Variants in TRABD2B observed in about 807,000 individuals in gnomAD.
The protein encoded by TRABD2B is TraB domain containing 2B, also known as metalloprotease TIKI2.
TRABD2B carries 14 observed loss-of-function variants against 40.1 expected under a neutral mutation model. The ratio of observed to expected loss-of-function variants is 0.35; its 90% CI spans 0.23 to 0.55. The LOEUF is 0.55. Ranked by LOEUF, TRABD2B falls within the 20% of genes least tolerant of loss-of-function variation. The pLI, the probability that TRABD2B is intolerant of heterozygous loss-of-function variation, is 0.90. For synonymous variants in TRABD2B, 263 were observed against 277.0 expected (o/e 0.95, Z 0.50); for missense variants, 541 against 648.6 (o/e 0.83, Z 1.80).
At chr1:47,958,918 A>G (rs1645466264) in intron 2 of TRABD2B, among the ~76,000 whole-genome samples, 1 of 152,258 alleles carries the variant, frequency 6.6e-6, no homozygotes, top group African/African-American at 2.4e-5. Context: ...CATTCTTCTC[A>G]GCACCACATC....
intron 2 of TRABD2B, among the ~76,000 whole-genome samples, chr1:47,993,240 CAG>C (rs1192026486): frequency 6.6e-6 from 1 of 152,170 alleles, no homozygotes; most frequent in Non-Finnish European, 1.5e-5. Context: ...CCCAGGGTCT[CAG>C]AGTTGAGTTT....
chr1:47,795,555 G>T, intron 3 of TRABD2B: 1 of 660,504 alleles, frequency 1.5e-6, no homozygotes, highest in Non-Finnish European at 1.9e-6. Context: ...ATGCTGCGTG[G>T]CACCGGGCAA....
intron 4 of TRABD2B, among the ~76,000 whole-genome samples, chr1:47,780,086 C>A (rs1322911851): frequency 6.6e-6 from 1 of 152,196 alleles, no homozygotes; most frequent in Non-Finnish European, 1.5e-5. Flanking sequence ...CCATGCCCTG[C>A]CAGAGCATCT....
chr1:47,796,712 C>T (rs1227567884), intron 3 of TRABD2B, among the ~76,000 whole-genome samples: 3 of 152,312 alleles, frequency 2.0e-5, no homozygotes, highest in East Asian at 3.9e-4. Flanking sequence ...TTGTGCAGTG[C>T]GCAACCTGGA....
At chr1:47,846,897 A>ACACACAC (rs1557610250) in intron 2 of TRABD2B, among the ~76,000 whole-genome samples, 2 of 69,438 alleles carry the variant, frequency 2.9e-5, no homozygotes, top group African/African-American at 1.0e-4. Context: ...CACACACACA[A>ACACACAC]ATGAGGGCTG....
intron 2 of TRABD2B, among the ~76,000 whole-genome samples, chr1:47,969,061 G>A (rs920966485): frequency 3.9e-5 from 6 of 152,174 alleles, no homozygotes; most frequent in Admixed American, 3.9e-4. Flanking sequence ...AAGTCCAATA[G>A]AGCCTCAGAA....
chr1:47,912,085 G>A (rs1557653034), intron 2 of TRABD2B, among the ~76,000 whole-genome samples: 3 of 152,172 alleles, frequency 2.0e-5, no homozygotes, highest in Non-Finnish European at 1.5e-5. Flanking sequence ...TGGAGGAGGG[G>A]GCTGAGGGAG....
At chr1:47,840,377 G>A (rs967143426) in intron 2 of TRABD2B, among the ~76,000 whole-genome samples, 1 of 152,160 alleles carries the variant, frequency 6.6e-6, no homozygotes, top group East Asian at 1.9e-4. Context: ...ACTTGTTCAA[G>A]GTCACACTAG....
intron 6 of TRABD2B, among the ~76,000 whole-genome samples, chr1:47,766,441 C>T (rs1397289750): frequency 6.6e-6 from 1 of 152,128 alleles, no homozygotes; most frequent in African/African-American, 2.4e-5. Context: ...TCTGGGGTAC[C>T]ATGGGGTGGT....
intron 4 of TRABD2B, among the ~76,000 whole-genome samples, chr1:47,783,066 A>C (rs1644547756): frequency 6.6e-6 from 1 of 152,184 alleles, no homozygotes; most frequent in Non-Finnish European, 1.5e-5. Flanking sequence ...AGAGCCATGC[A>C]GACAAAGAGA....
chr1:47,966,389 A>C (rs1175095625), intron 2 of TRABD2B, among the ~76,000 whole-genome samples: 1 of 152,206 alleles, frequency 6.6e-6, no homozygotes, highest in Non-Finnish European at 1.5e-5. Context: ...GTTAAGGTGA[A>C]TATCTCACCT....
chr1:47,871,783 C>T (rs1204536233), intron 2 of TRABD2B, among the ~76,000 whole-genome samples: 2 of 152,190 alleles, frequency 1.3e-5, no homozygotes, highest in Non-Finnish European at 2.9e-5. Flanking sequence ...GTCTTTTCAT[C>T]GCTCATCCAT....
chr1:47,977,792 T>C (rs1308269731), intron 2 of TRABD2B, among the ~76,000 whole-genome samples: 3 of 151,866 alleles, frequency 2.0e-5, no homozygotes, highest in African/African-American at 2.4e-5. Flanking sequence ...CTCTGGATTC[T>C]GAGTTAGGGA....
intron 2 of TRABD2B, among the ~76,000 whole-genome samples, chr1:47,904,630 G>T (rs982757400): frequency 6.6e-6 from 1 of 152,058 alleles, no homozygotes; most frequent in Non-Finnish European, 1.5e-5. Context: ...TTCACAACAG[G>T]ATCATGCACT....
At chr1:47,963,962 G>A (rs1645560752) in intron 2 of TRABD2B, among the ~76,000 whole-genome samples, 1 of 152,240 alleles carries the variant, frequency 6.6e-6, no homozygotes, top group Non-Finnish European at 1.5e-5. Flanking sequence ...GACACCTCAT[G>A]AAGCAAAAGA....
At chr1:47,924,007 T>C (rs1002755278) in intron 2 of TRABD2B, among the ~76,000 whole-genome samples, 1 of 151,590 alleles carries the variant, frequency 6.6e-6, no homozygotes, top group Non-Finnish European at 1.5e-5. Context: ...ACCCGACTTA[T>C]GAAAGTGGCC....
intron 2 of TRABD2B, among the ~76,000 whole-genome samples, chr1:47,871,579 C>CTCAT (rs1358206448): frequency 3.3e-5 from 5 of 152,140 alleles, no homozygotes; most frequent in Non-Finnish European, 7.4e-5. Context: ...TCCTGCAAGG[C>CTCAT]TCATACCTGC....
chr1:47,864,203 A>G (rs1204183137), intron 2 of TRABD2B, among the ~76,000 whole-genome samples: 1 of 152,112 alleles, frequency 6.6e-6, no homozygotes, highest in Non-Finnish European at 1.5e-5. Flanking sequence ...CCAAACCCAC[A>G]GAATGTACAC....
chr1:47,805,774 T>G (rs1644883360), intron 2 of TRABD2B, among the ~76,000 whole-genome samples: 1 of 152,112 alleles, frequency 6.6e-6, no homozygotes, highest in South Asian at 2.1e-4. Flanking sequence ...TTATTTAATC[T>G]TTACAGCAAC....
Sources: allele counts gnomAD v4.1 joint callset (sites outside exome capture counted in the v4.1 genomes callset), GRCh38; gene constraint gnomAD v4.1.1; transcripts MANE v1.5; gene names NCBI Gene and HGNC (gene_info 2026-07-23, HGNC 2026-07-21).